CABLES2: variants seen among roughly 807,000 people sequenced by gnomAD.
The protein encoded by CABLES2 is CDK5 and ABL1 enzyme substrate 2.
A neutral mutation model predicts 44.8 loss-of-function variants in CABLES2; 35 were observed. The observed-to-expected ratio is 0.78, with a 90% confidence interval of 0.60 to 1.04. The LOEUF (loss-of-function observed/expected upper bound fraction) is 1.04. Among genes scored for constraint, CABLES2 ranks in the 50% least tolerant of loss-of-function variants. The pLI is 0.00. For missense variants in CABLES2, 566 were observed against 615.7 expected, an observed-to-expected ratio of 0.92 and a Z score of 0.85; for synonymous variants, 282 against 281.1, an observed-to-expected ratio of 1.00 and a Z score of -0.03.
chr20:62,392,387 A>G lies in CABLES2; in HGVS notation c.1091+2T>C. 6.2e-7 allele frequency: 1 copy of G among 1,609,872 alleles called. No homozygotes were observed. The highest frequency in any genetic ancestry group is 8.5e-7 in the Non-Finnish European group (1 of 1,176,440). The stretch of plus-strand genomic sequence containing the variant: ...TGAGATGGTCTGAGAGGGTGTCCTC[A>G]CCTCCTGATTTTGCTCAGCGTCAGT... On this transcript the variant is annotated splice_donor_variant, in intron 8 of 9. Coordinates refer to ENST00000279101, the MANE Select transcript of CABLES2 (RefSeq NM_031215.3). LOFTEE classifies it high-confidence loss of function.
In CABLES2 at chr20:62,394,143, G is replaced by A. The variant is rs752016017; in HGVS notation, c.714+14C>T. The A allele has an allele frequency of 1.4e-5, 23 of 1,608,014 alleles. 1 individual carries two copies. The Middle Eastern group carries it at 5.0e-4, about 35-fold the overall frequency. On this transcript the variant is annotated intron_variant, in intron 5 of 9. Transcript: ENST00000279101. ...CTGACGGCGCTGGGTGTCCACCAGCGAAGAGGCTCTTACCTTCCCGTCTGC... is the reference window on the plus strand; with the variant it reads ...CTGACGGCGCTGGGTGTCCACCAGCAAAGAGGCTCTTACCTTCCCGTCTGC...
Position 62,406,902 on chromosome 20 carries a change from G to T in CABLES2, c.362+13C>A. ...CCCGCGTCCTGGGCTGACCTGGCCG[G>T]GCCCCCACTCACCTCTGGCGCTGCC... On this transcript the variant is annotated intron_variant, in intron 1 of 9. Coordinates refer to ENST00000279101, the MANE Select transcript of CABLES2 (RefSeq NM_031215.3). 1 of 1,211,164 alleles carries T rather than the reference G, an allele frequency of 8.3e-7. No homozygotes were observed. The highest frequency in any genetic ancestry group is 1.0e-6 in the Non-Finnish European group (1 of 972,154). 75.0% of individuals were successfully genotyped at this position (1,211,164 alleles called of 1,614,324 possible).
rs1428929632 is a variant in CABLES2, at chr20:62,398,171, AATGGTGGTGGTGGTG to A, written c.363-1594_363-1580del. On this transcript the variant is annotated intron_variant, in intron 1 of 9. Coordinates refer to ENST00000279101, the MANE Select transcript of CABLES2 (RefSeq NM_031215.3). ...TGGTGGTGGTGACGGTGATGGTGGTAATGGTGGTGGTGGTGATGGTGATGATGGTGGTGATGGTGA... is the reference window on the plus strand; with the variant it reads ...TGGTGGTGGTGACGGTGATGGTGGTAATGGTGATGATGGTGGTGATGGTGA... 3.0e-4 allele frequency among the ~76,000 whole-genome samples: 7 copies of A among 23,276 alleles called. No individual in the cohort carries two copies. In the East Asian group the frequency reaches 5.3e-3, roughly 18 times the overall value. The allele number at this position is 23,276 out of a possible 152,430, so 15.3% of individuals were successfully genotyped here. A position where few individuals can be genotyped will look rare whatever the true frequency, so the allele number is the denominator to read the frequency against.
At position 62,391,170 on chromosome 20, in the gene CABLES2, C is replaced by A. The variant is rs985579333; in HGVS notation, c.1297-59G>T. The A allele has an allele frequency of 6.2e-7, 1 of 1,604,768 alleles. No individual in the cohort carries two copies. The highest frequency in any genetic ancestry group is 8.5e-7 in the Non-Finnish European group (1 of 1,173,148). On this transcript the variant is annotated intron_variant, in intron 9 of 9. Coordinates refer to ENST00000279101, the MANE Select transcript of CABLES2 (RefSeq NM_031215.3). This position sits in a 1 kb window ranked among gnomAD's most constrained non-coding sequence, Gnocchi z 5.7. ...GCCTTCCCTCTTCCACATTTCCCAC[C>A]CGGCCAGCCCCATCCCAGCAGTGGC... is the stretch of plus-strand genomic sequence containing the variant.
At chr20:62,398,586 A>C (rs1481494696) in intron 1 of CABLES2, among the ~76,000 whole-genome samples, 1 of 152,214 alleles carries the variant, frequency 6.6e-6, no homozygotes, top group Non-Finnish European at 1.5e-5. Flanking sequence ...TCAGGGTCCC[A>C]TGGGCCTTCC....
intron 1 of CABLES2, chr20:62,403,840 C>G (rs976883553): frequency 6.6e-6 from 1 of 152,254 alleles, no homozygotes; most frequent in Non-Finnish European, 1.5e-5. Flanking sequence ...CTGAGCCTCC[C>G]TGGGAAAGAA....
Position 62,390,898 on chromosome 20 carries a change from G to A in CABLES2, c.*73C>T, listed in dbSNP as rs1040988642. 1.1e-5 allele frequency: 17 copies of A among 1,576,930 alleles called. No individual in the cohort carries two copies. The highest frequency in any genetic ancestry group is 8.5e-5 in the Admixed American group (5 of 59,106). On this transcript the variant is annotated 3_prime_UTR_variant, in exon 10 of 10. Transcript: ENST00000279101. ...GCTGGGGGTGCTGGCAGGAGGAGGC[G>A]CGGGGCTTCAGTGGGACACCTCCCA...
Position 62,391,154 on chromosome 20 carries a change from C to A in CABLES2, c.1297-43G>T. On this transcript the variant is annotated intron_variant, in intron 9 of 9. Coordinates refer to ENST00000279101, the MANE Select transcript of CABLES2 (RefSeq NM_031215.3). The surrounding 1 kb of genome is among the most constrained non-coding windows in gnomAD (Gnocchi z 5.7). ...GAAGGGTTACACGGGAGCCTTCCCTCTTCCACATTTCCCACCCGGCCAGCC... is the reference window on the plus strand; with the variant it reads ...GAAGGGTTACACGGGAGCCTTCCCTATTCCACATTTCCCACCCGGCCAGCC... 6.2e-7 allele frequency: 1 copy of A among 1,607,742 alleles called. No homozygotes were observed. The highest frequency in any genetic ancestry group is 8.5e-7 in the Non-Finnish European group (1 of 1,174,890).
intron 1 of CABLES2, among the ~76,000 whole-genome samples, chr20:62,401,619 G>C (rs34477462): frequency 0.18 from 28,132 of 152,282 alleles, 3,011 homozygotes; most frequent in African/African-American, 0.28. Context: ...CACACACGCC[G>C]GTCAGCAGGA....
At position 62,398,056 on chromosome 20, in the gene CABLES2, C is replaced by CGATGGTGGTGGT. The variant is rs1569017428; in HGVS notation, c.363-1476_363-1465dup. ...ACAGTGATGGTGATGGTGGTGATGG[C>CGATGGTGGTGGT]GATGGTGGTGGTGACGGTGGTGGTG... On this transcript the variant is annotated intron_variant, in intron 1 of 9. Transcript: ENST00000279101. 2.5e-4 allele frequency among the ~76,000 whole-genome samples: 13 copies of CGATGGTGGTGGT among 51,104 alleles called. 1 individual carries two copies. Among genetic ancestry groups the CGATGGTGGTGGT allele is most frequent in the Non-Finnish European group, 4.6e-4 (11 of 24,016 alleles). 33.5% of individuals were successfully genotyped at this position (51,104 alleles called of 152,430 possible).
chr20:62,393,710 T>C (rs561704172), intron 5 of CABLES2, 105 bp from the exon 6 acceptor site: 5 of 1,280,910 alleles, frequency 3.9e-6, no homozygotes, highest in Admixed American at 5.1e-5. Flanking sequence ...GAGCCCTGCA[T>C]GGAAAATGAA....
Position 62,389,430 on chromosome 20 carries a change from AAGG to A in CABLES2, c.*1538_*1540del, listed in dbSNP as rs1381825317. On this transcript the variant is annotated 3_prime_UTR_variant, in exon 10 of 10. Transcript: ENST00000279101. ...GTGGCCCCAGTGAGTGGCTGTGGAA[AAGG>A]AGGAGGGCCAGGTGGGTGCTGGCAG... 2.0e-5 allele frequency: 3 copies of A among 152,316 alleles called. No homozygotes were observed. The highest frequency in any genetic ancestry group is 4.4e-5 in the Non-Finnish European group (3 of 68,122). The allele number at this position is 152,316 out of a possible 1,614,324, so 9.4% of individuals were successfully genotyped here.
At chr20:62,397,941 G>GCGGTGGTGGTGGTGGTGATGA (rs1316852257) in intron 1 of CABLES2, among the ~76,000 whole-genome samples, 22,399 of 135,860 alleles carry the variant, frequency 0.16, 2,512 homozygotes, top group Middle Eastern at 0.23. Flanking sequence ...GGTGGTGATG[G>GCGGTGGTGGTGGTGGTGATGA]TGGTGACGGT....
rs1006023785 is a variant in CABLES2 at position 62,389,130 on chromosome 20, G to C, written c.*1841C>G. 6.5e-6 allele frequency: 1 copy of C among 153,432 alleles called. No individual in the cohort carries two copies. Among genetic ancestry groups the C allele is most frequent in the African/African-American group, 2.4e-5 (1 of 41,454 alleles). The allele number at this position is 153,432 out of a possible 1,614,324, so 9.5% of individuals were successfully genotyped here. A position where few individuals can be genotyped will look rare whatever the true frequency, so the allele number is the denominator to read the frequency against. On this transcript the variant is annotated 3_prime_UTR_variant, in exon 10 of 10. Coordinates refer to ENST00000279101, the MANE Select transcript of CABLES2 (RefSeq NM_031215.3). ...AACTGCAACAGTTACTAGGAAGTCA[G>C]TCCTTTACATGCTCGTAACATGGGC...
Position 62,394,232 on chromosome 20 carries a change from G to A in CABLES2, c.639C>T (p.His213=). ...DLRVDSQKQR[H]PSGGVSVSSE... is the part of the protein sequence containing the mutation. ...AAGACACAGAGACGCCGCCGGACGG[G>A]TGCCTCTGCTTCTGGCTGTCCACCC... is the stretch of plus-strand genomic sequence containing the variant. The change falls in exon 5 of 10, where the codon CAC becomes CAT. Residue 213 remains histidine, a synonymous_variant. Coordinates refer to ENST00000279101, the MANE Select transcript of CABLES2 (RefSeq NM_031215.3). The A allele has an allele frequency of 1.9e-6, 3 of 1,613,526 alleles. No individual in the cohort carries two copies. The highest frequency in any genetic ancestry group is 2.5e-6 in the Non-Finnish European group (3 of 1,180,008).
intron 1 of CABLES2, among the ~76,000 whole-genome samples, chr20:62,406,597 A>G (rs78389958): frequency 2.0e-5 from 1 of 50,982 alleles, no homozygotes; most frequent in Non-Finnish European, 3.9e-5. Flanking sequence ...TGTATCCAGG[A>G]CTGACAAGGT....
Position 62,390,845 on chromosome 20 carries a change from G to A in CABLES2, c.*126C>T, listed in dbSNP as rs765559284. 1.7e-5 allele frequency: 19 copies of A among 1,126,914 alleles called. No individual in the cohort carries two copies. The highest frequency in any genetic ancestry group is 1.0e-4 in the South Asian group (7 of 69,456). The allele number at this position is 1,126,914 out of a possible 1,614,324, so 69.8% of individuals were successfully genotyped here. A position where few individuals can be genotyped will look rare whatever the true frequency, so the allele number is the denominator to read the frequency against. The stretch of plus-strand genomic sequence containing the variant: ...AGGCAAAAAGGAAAGCTGCACCAGC[G>A]GAGGCCAGGTGCCTCCTGCTAGCAG... On this transcript the variant is annotated 3_prime_UTR_variant, in exon 10 of 10. Coordinates refer to ENST00000279101, the MANE Select transcript of CABLES2 (RefSeq NM_031215.3).
At chr20:62,398,133 G>GTGGTGA (rs1241882979) in intron 1 of CABLES2, among the ~76,000 whole-genome samples, 1 of 124,748 alleles carries the variant, frequency 8.0e-6, no homozygotes, top group Admixed American at 7.8e-5. Flanking sequence ...GGTTATGACG[G>GTGGTGA]TGGTGATGGT....
At chr20:62,405,079 G>A (rs1988256089) in intron 1 of CABLES2, 1 of 152,084 alleles carries the variant, frequency 6.6e-6, no homozygotes, top group Admixed American at 6.6e-5. Flanking sequence ...GTGCACACAG[G>A]GGTGCATGAA....
Sources: allele counts gnomAD v4.1 joint callset (sites outside exome capture counted in the v4.1 genomes callset), GRCh38; gene constraint gnomAD v4.1.1; non-coding constraint Gnocchi (gnomAD v3.1); transcripts MANE v1.5; gene names NCBI Gene and HGNC (gene_info 2026-07-23, HGNC 2026-07-21).